REG1B: variants seen among roughly 807,000 people sequenced by gnomAD.
REG1B encodes lithostathine-1-beta.
Under a neutral mutation model 20.4 loss-of-function variants are expected in REG1B, and 21 were observed. The ratio of observed to expected loss-of-function variants is 1.03; its 90% CI spans 0.73 to 1.48. The LOEUF (loss-of-function observed/expected upper bound fraction) is 1.48. REG1B is among the 40% of genes most tolerant of loss of function. The pLI, the probability that REG1B is intolerant of heterozygous loss-of-function variation, is 0.00. For synonymous variants in REG1B, 82 were observed against 73.4 expected, an observed-to-expected ratio of 1.12 and a Z score of -0.60; for missense variants, 247 against 197.2, an observed-to-expected ratio of 1.25 and a Z score of -1.51.
chr2:79,086,018 G>A (rs1553439695), intron 4 of REG1B: 1 of 302,148 alleles, frequency 3.3e-6, no homozygotes, highest in East Asian at 7.9e-5. Flanking sequence ...ACAAATGCCA[G>A]CAGTAGATTC....
chr2:79,086,321 C>A (rs775560342), intron 4 of REG1B, 46 bp downstream of exon 4: 1 of 1,608,778 alleles, frequency 6.2e-7, no homozygotes, highest in South Asian at 1.1e-5. Flanking sequence ...GTCCCTCTTA[C>A]CTCTCAAAAA....
At chr2:79,087,746 G>A in intron 1 of REG1B, 88 bp from the exon 2 acceptor site, 1 of 841,718 alleles carries the variant, frequency 1.2e-6, no homozygotes, top group Non-Finnish European at 1.8e-6. Flanking sequence ...GAATTCCTGT[G>A]AGCCGAAAGG....
intron 5 of REG1B, 46 bp from the exon 6 acceptor site, chr2:79,085,329 G>A (rs776368331): frequency 4.7e-6 from 7 of 1,476,584 alleles, no homozygotes; most frequent in Non-Finnish European, 5.7e-6. Context: ...CAGAAGGAGT[G>A]TAGCCCCTCC....
At chr2:79,086,787 T>C (rs1268106935) in intron 3 of REG1B, 25 bp downstream of exon 3, 2 of 1,601,300 alleles carry the variant, frequency 1.2e-6, no homozygotes, top group Non-Finnish European at 1.7e-6. Context: ...TAAGCCTCCC[T>C]TCCCCTGCTG....
intron 1 of REG1B, 62 bp downstream of exon 1, chr2:79,087,897 C>T (rs1011678604): frequency 3.9e-5 from 13 of 329,972 alleles, no homozygotes; most frequent in Non-Finnish European, 6.1e-5. Context: ...CCTGTATCTA[C>T]CTCAAAATGA....
intron 2 of REG1B, 197 bp from the exon 3 acceptor site, chr2:79,087,127 A>G (rs1464098938): frequency 1.7e-6 from 1 of 590,000 alleles, no homozygotes; most frequent in African/African-American, 1.9e-5. Context: ...AGAGCTCACA[A>G]TGAATAGGCT....
chr2:79,086,524 A>G lies in REG1B; in HGVS notation c.184-20T>C, dbSNP rs1230053284. 3 of 1,612,608 alleles carry G rather than the reference A, an allele frequency of 1.9e-6. No homozygotes were observed. On this transcript the variant is annotated intron_variant, in intron 3 of 5. Coordinates refer to ENST00000305089, the MANE Select transcript of REG1B (RefSeq NM_006507.4). Reference sequence around the variant, plus strand: ...ATAGAGCTGTTGGAGAAGAAAATGGAGCACTCAGTGGAGAAGGAAGGTGTG... The same window carrying G: ...ATAGAGCTGTTGGAGAAGAAAATGGGGCACTCAGTGGAGAAGGAAGGTGTG...
Position 79,087,501 on chromosome 2 carries a change from G to A in REG1B, c.64+48C>T, listed in dbSNP as rs772343946. On this transcript the variant is annotated intron_variant, in intron 2 of 5. Coordinates refer to ENST00000305089, the MANE Select transcript of REG1B (RefSeq NM_006507.4). ...GTGAACCTTATACATGAGGATGGAG[G>A]GAAGAATTCAGAGTTGGGGTTGTGG... 18 of 1,584,414 alleles carry A rather than the reference G, an allele frequency of 1.1e-5. No individual in the cohort carries two copies. The South Asian group carries it at 1.9e-4, about 17-fold the overall frequency.
rs376848554 is a variant in REG1B, at chr2:79,087,101, T to A, written c.65-171A>T. On this transcript the variant is annotated intron_variant, in intron 2 of 5. Coordinates refer to ENST00000305089, the MANE Select transcript of REG1B (RefSeq NM_006507.4). Reference sequence around the variant, plus strand: ...CATCCTATCTCTTTTCTCTCTAGTTTCCTCTGCTCAAGACAAGAGCTCACA... The same window carrying A: ...CATCCTATCTCTTTTCTCTCTAGTTACCTCTGCTCAAGACAAGAGCTCACA... 489 of 617,174 alleles carry A rather than the reference T, an allele frequency of 7.9e-4. 8 individuals are homozygous for A. Among genetic ancestry groups the A allele is most frequent in the East Asian group, 5.3e-3 (195 of 36,594 alleles). 38.2% of individuals were successfully genotyped at this position (617,174 alleles called of 1,614,324 possible).
Position 79,086,820 on chromosome 2 carries a change from C to T in REG1B, c.175G>A (p.Asp59Asn). 6.2e-7 allele frequency: 1 copy of T among 1,613,356 alleles called. No individual in the cohort carries two copies. The highest frequency in any genetic ancestry group is 1.3e-5 in the African/African-American group (1 of 75,014). ...CTGCTCTCCTCACTCACATCTGCAT[C>T]AACCCAGGTCTCAGGGTCTTCATTA... ...YFNEDPETWV[D>N]ADLYCQNMNS... is the part of the protein sequence containing the mutation. Residue 59 changes from aspartate (D) to asparagine (N), a missense_variant, in exon 3 of 6, where the codon GAT becomes AAT. Transcript: ENST00000305089.
rs1483848361 is a variant in REG1B at position 79,085,579 on chromosome 2, C to T, written c.346G>A (p.Gly116Arg). 14 of 1,613,416 alleles carry T rather than the reference C, an allele frequency of 8.7e-6. No homozygotes were observed. Among genetic ancestry groups the T allele is most frequent in the Non-Finnish European group, 9.3e-6 (11 of 1,179,706 alleles). Residue 116 changes from glycine (G) to arginine (R), a missense_variant, in exon 5 of 6, where the codon GGG (glycine) becomes AGG (arginine). Physicochemically the swap from Gly to Arg is moderately radical, Grantham distance 125. Transcript: ENST00000305089. ...CAGGACTTGTAGGAGACCAGGGACC[C>T]ACTACTCCAGTGCCAGCGGCGGTTC... is the stretch of plus-strand genomic sequence containing the variant. ...KKNRRWHWSS[G>R]SLVSYKSWDT...
chr2:79,087,868 C>T (rs1672423070), intron 1 of REG1B, 91 bp downstream of exon 1: 1 of 390,854 alleles, frequency 2.6e-6, no homozygotes, highest in African/African-American at 2.0e-5. Context: ...CTACTGGGAT[C>T]TTTTATTCAG....
intron 1 of REG1B, 111 bp from the exon 2 acceptor site, chr2:79,087,769 G>A: frequency 3.3e-6 from 2 of 613,214 alleles, no homozygotes; most frequent in Non-Finnish European, 2.7e-6. Flanking sequence ...CACTGAGATA[G>A]CTACACTCCC....
At chr2:79,085,639 A>T (rs1249075224) in intron 4 of REG1B, 36 bp from the exon 5 acceptor site, 2 of 1,409,684 alleles carry the variant, frequency 1.4e-6, no homozygotes, top group Non-Finnish European at 2.0e-6. Flanking sequence ...GGCCATGGTC[A>T]CTCAAAAATC....
intron 3 of REG1B, 41 bp downstream of exon 3, chr2:79,086,771 C>T: frequency 6.4e-7 from 1 of 1,573,720 alleles, no homozygotes; most frequent in Non-Finnish European, 8.7e-7. Context: ...GCTGCCTCTA[C>T]CTTCATAAGC....
chr2:79,086,693 C>G, intron 3 of REG1B, 119 bp downstream of exon 3: 2 of 1,305,830 alleles, frequency 1.5e-6, no homozygotes, highest in Non-Finnish European at 2.2e-6. Flanking sequence ...AAGTTTGGGA[C>G]CAGTGGTGGA....
chr2:79,086,175 T>G (rs1047234171), intron 4 of REG1B, 192 bp downstream of exon 4: 1 of 580,762 alleles, frequency 1.7e-6, no homozygotes, highest in Non-Finnish European at 3.0e-6. Flanking sequence ...GCCCAGAAAA[T>G]TCAGCCTTCA....
At position 79,086,472 on chromosome 2, in the gene REG1B, C is replaced by G. The variant is rs751421225; in HGVS notation, c.216G>C (p.Leu72=). The G allele has an allele frequency of 6.2e-7, 1 of 1,613,916 alleles. No individual in the cohort carries two copies. The highest frequency in any genetic ancestry group is 1.1e-5 in the South Asian group (1 of 91,058). Residue 72 remains leucine (L), a synonymous_variant, in exon 4 of 6, where the codon CTG becomes CTC. Transcript: ENST00000305089. Reference sequence around the variant, plus strand: ...CCTCCGCCTGGGTGAGCACAGACACCAGGTTGCCTGAATTCATGTTCTGGC... The same window carrying G: ...CCTCCGCCTGGGTGAGCACAGACACGAGGTTGCCTGAATTCATGTTCTGGC... The part of the protein sequence containing the change: ...LYCQNMNSGN[L]VSVLTQAEGA...
chr2:79,086,781 C>G (rs1275800101), intron 3 of REG1B, 31 bp downstream of exon 3: 1 of 1,592,780 alleles, frequency 6.3e-7, no homozygotes, highest in East Asian at 2.2e-5. Context: ...CCTTCATAAG[C>G]CTCCCTTCCC....
Sources: gnomAD v4.1 joint callset for allele counts on GRCh38, gnomAD v4.1.1 for gene constraint, MANE v1.5 for transcripts, NCBI Gene and HGNC (gene_info 2026-07-23, HGNC 2026-07-21) for gene names.